The following ZNF475 variants were observed in gnomAD, a reference collection of about 807,000 sequenced individuals.
ZNF475 encodes zinc finger protein 475.
At chr5:122,173,072 G>C in the ZNF475 span, among the ~76,000 whole-genome samples, 2 of 152,028 alleles carry the variant, frequency 1.3e-5, no homozygotes, top group Non-Finnish European at 2.9e-5. Context: ...GAGTGTTTCT[G>C]ATATTTTGTA....
the ZNF475 span, among the ~76,000 whole-genome samples, chr5:122,170,645 T>C: frequency 1.3e-5 from 2 of 152,178 alleles, no homozygotes; most frequent in African/African-American, 2.4e-5. Flanking sequence ...GGAGTTTCTA[T>C]GGAGGTTCCA....
chr5:122,180,869 G>A, the ZNF475 span, among the ~76,000 whole-genome samples: 1 of 152,140 alleles, frequency 6.6e-6, no homozygotes, highest in Admixed American at 6.5e-5. Context: ...TCATACAGGT[G>A]GGAAAACAGC....
At chr5:122,176,708 C>A in the ZNF475 span, among the ~76,000 whole-genome samples, 1 of 152,188 alleles carries the variant, frequency 6.6e-6, no homozygotes. Flanking sequence ...TTTCTTGTGG[C>A]AGAAAATTAT....
chr5:122,161,647 T>G, the ZNF475 span, among the ~76,000 whole-genome samples: 505 of 152,292 alleles, frequency 3.3e-3, 3 homozygotes, highest in African/African-American at 0.012. Context: ...GAGAGCATTT[T>G]TTTTCATCTC....
chr5:122,174,084 T>G, the ZNF475 span, among the ~76,000 whole-genome samples: 3 of 152,206 alleles, frequency 2.0e-5, no homozygotes, highest in African/African-American at 7.2e-5. Flanking sequence ...ACCCTTCCAC[T>G]GCCCTCCTTA....
chr5:122,178,784 G>C, the ZNF475 span, among the ~76,000 whole-genome samples: 3 of 152,036 alleles, frequency 2.0e-5, no homozygotes, highest in Non-Finnish European at 4.4e-5. Flanking sequence ...CATTGCTTTT[G>C]GTGTTTTAGT....
the ZNF475 span, among the ~76,000 whole-genome samples, chr5:122,181,559 A>T: frequency 6.6e-6 from 1 of 152,196 alleles, no homozygotes. Context: ...ATGTTAAAAA[A>T]TTTAAGGTTC....
the ZNF475 span, chr5:122,182,570 T>A: frequency 2.6e-6 from 4 of 1,535,742 alleles, no homozygotes; most frequent in Non-Finnish European, 3.5e-6. Flanking sequence ...CCTGTAATGT[T>A]TGTGGGCGTA....
chr5:122,179,561 A>T, the ZNF475 span: 1 of 1,506,856 alleles, frequency 6.6e-7, no homozygotes, highest in Non-Finnish European at 8.8e-7. Flanking sequence ...CAACAATGAT[A>T]CGGCGTCCAC....
chr5:122,162,247 A>AAAT, the ZNF475 span: 10 of 152,380 alleles, frequency 6.6e-5, no homozygotes, highest in African/African-American at 2.4e-4. Flanking sequence ...AGAAAACTCC[A>AAAT]AATCACAAGT....
At chr5:122,182,559 C>T in the ZNF475 span, 48 of 1,534,924 alleles carry the variant, frequency 3.1e-5, no homozygotes, top group Admixed American at 9.8e-5. Flanking sequence ...CCAGTTGGTT[C>T]CCTGTAATGT....
At chr5:122,182,601 A>T in the ZNF475 span, 1 of 1,535,508 alleles carries the variant, frequency 6.5e-7, no homozygotes, top group Non-Finnish European at 8.7e-7. Context: ...AGACAGACTG[A>T]TTGTTCACCA....
At chr5:122,164,288 A>G in the ZNF475 span, among the ~76,000 whole-genome samples, 14 of 152,214 alleles carry the variant, frequency 9.2e-5, no homozygotes, top group Non-Finnish European at 1.6e-4. Context: ...AGCTTGTGGT[A>G]TACTAGAGAG....
the ZNF475 span, among the ~76,000 whole-genome samples, chr5:122,176,087 G>A: frequency 6.6e-6 from 1 of 152,016 alleles, no homozygotes; most frequent in Admixed American, 6.6e-5. Flanking sequence ...ATCTGACAAG[G>A]CTGATGACAC....
At chr5:122,160,988 A>G in the ZNF475 span, among the ~76,000 whole-genome samples, 10 of 152,200 alleles carry the variant, frequency 6.6e-5, no homozygotes, top group Admixed American at 2.0e-4. Context: ...ATCTGTAAGG[A>G]GTCCTTATTG....
chr5:122,163,898 T>A, the ZNF475 span, among the ~76,000 whole-genome samples: 1 of 152,206 alleles, frequency 6.6e-6, no homozygotes, highest in Non-Finnish European at 1.5e-5. Flanking sequence ...ATTGTTATCA[T>A]GTTTAAATTC....
At chr5:122,179,119 G>A in the ZNF475 span, among the ~76,000 whole-genome samples, 50,065 of 151,972 alleles carry the variant, frequency 0.33, 11,755 homozygotes, top group African/African-American at 0.66. Context: ...TAGCAGTACC[G>A]TGCTGTTTTG....
At chr5:122,164,274 G>A in the ZNF475 span, among the ~76,000 whole-genome samples, 1 of 152,182 alleles carries the variant, frequency 6.6e-6, no homozygotes, top group Non-Finnish European at 1.5e-5. Flanking sequence ...ACAGGGAGTG[G>A]TAGAGCTTGT....
At chr5:122,162,009 T>C in the ZNF475 span, among the ~76,000 whole-genome samples, 2 of 151,822 alleles carry the variant, frequency 1.3e-5, no homozygotes, top group African/African-American at 2.4e-5. Context: ...AGCTAGGAAA[T>C]TATTCCTTTC....
Sources: gnomAD v4.1 joint callset for allele counts (sites outside exome capture counted in the v4.1 genomes callset) on GRCh38, gnomAD v4.1.1 for gene constraint, MANE v1.5 for transcripts, NCBI Gene and HGNC (gene_info 2026-07-23, HGNC 2026-07-21) for gene names.